KCNH8: variants seen among roughly 807,000 people sequenced by gnomAD.
KCNH8 encodes the protein potassium voltage-gated channel subfamily H member 8, also known as voltage-gated delayed rectifier potassium channel KCNH8.
A neutral mutation model predicts 103.6 loss-of-function variants in KCNH8; 70 were observed. That is an observed-to-expected ratio of 0.68 (90% confidence interval 0.56 to 0.82). The LOEUF (loss-of-function observed/expected upper bound fraction) is 0.82. KCNH8 is among the 40% of genes least tolerant of loss of function. The pLI is 0.00. For missense variants in KCNH8, 1,217 were observed against 1,329.9 expected (o/e 0.92, Z 1.32); for synonymous variants, 498 against 489.4 (o/e 1.02, Z -0.23).
At chr3:19,236,825 T>C (rs190101561) in intron 1 of KCNH8, among the ~76,000 whole-genome samples, 40 of 152,332 alleles carry the variant, frequency 2.6e-4, no homozygotes, top group Admixed American at 3.3e-4. Context: ...TCTGTAATAC[T>C]CTAGGTTTCA....
At chr3:19,363,346 G>A (rs9873680) in intron 5 of KCNH8, among the ~76,000 whole-genome samples, 17,942 of 152,106 alleles carry the variant, frequency 0.12, 1,103 homozygotes, top group Middle Eastern at 0.17. Context: ...GAAAAGAGCT[G>A]ATCAGCATTT....
chr3:19,167,965 A>G (rs1339760163), intron 1 of KCNH8, among the ~76,000 whole-genome samples: 2 of 150,222 alleles, frequency 1.3e-5, no homozygotes, highest in East Asian at 1.9e-4. Context: ...TTACAGAACA[A>G]TTTTATCACA....
chr3:19,232,731 A>G (rs971423771), intron 1 of KCNH8, among the ~76,000 whole-genome samples: 4 of 152,160 alleles, frequency 2.6e-5, no homozygotes, highest in Non-Finnish European at 5.9e-5. Context: ...GTGTATGAGA[A>G]TTGTATGAAG....
intron 15 of KCNH8, among the ~76,000 whole-genome samples, chr3:19,530,273 T>C (rs1461968630): frequency 6.6e-6 from 1 of 152,170 alleles, no homozygotes; most frequent in African/African-American, 2.4e-5. Context: ...AATCACTTAC[T>C]GTATCTTTCA....
chr3:19,491,027 G>T, intron 11 of KCNH8, among the ~76,000 whole-genome samples: 1 of 152,180 alleles, frequency 6.6e-6, no homozygotes, highest in East Asian at 1.9e-4. Context: ...GGATTGGTAT[G>T]AAGTGTTAAT....
chr3:19,211,264 T>G (rs1043879300), intron 1 of KCNH8, among the ~76,000 whole-genome samples: 1 of 152,162 alleles, frequency 6.6e-6, no homozygotes, highest in Non-Finnish European at 1.5e-5. Context: ...ACAGATGCCA[T>G]GTAGAAGTGC....
chr3:19,356,105 A>G lies in KCNH8; in HGVS notation c.811+8140A>G, dbSNP rs528837307. On this transcript the variant is annotated intron_variant, in intron 5 of 15. Coordinates refer to ENST00000328405, the MANE Select transcript of KCNH8 (RefSeq NM_144633.3). ...AAAAAATATTTTGGTATTCACGTAA[A>G]CTCCATACAAAAGTATAAGGCAATA... Among the ~76,000 whole-genome samples the G allele has an allele frequency of 2.6e-5, 4 of 151,966 alleles. No homozygotes were observed. The South Asian group carries it at 8.3e-4, about 31-fold the overall frequency.
intron 1 of KCNH8, among the ~76,000 whole-genome samples, chr3:19,219,998 C>T (rs1575445815): frequency 2.6e-5 from 4 of 152,338 alleles, no homozygotes; most frequent in South Asian, 2.1e-4. Flanking sequence ...ACAGACGTTA[C>T]ATCTACTTGC....
At chr3:19,189,789 A>T (rs1421990355) in intron 1 of KCNH8, among the ~76,000 whole-genome samples, 3 of 152,052 alleles carry the variant, frequency 2.0e-5, no homozygotes, top group Non-Finnish European at 4.4e-5. Context: ...AATAGTAAAG[A>T]ATGTGTGCAA....
At chr3:19,215,437 A>C (rs1427246705) in intron 1 of KCNH8, among the ~76,000 whole-genome samples, 1 of 152,208 alleles carries the variant, frequency 6.6e-6, no homozygotes, top group Non-Finnish European at 1.5e-5. Context: ...ATTGAAAGAT[A>C]ATTGGGCCAA....
intron 4 of KCNH8, among the ~76,000 whole-genome samples, chr3:19,345,409 ATTACC>A (rs2065716642): frequency 6.6e-6 from 1 of 152,110 alleles, no homozygotes; most frequent in Non-Finnish European, 1.5e-5. Flanking sequence ...TTAGGAAACA[ATTACC>A]TTAATTAGGC....
intron 3 of KCNH8, among the ~76,000 whole-genome samples, chr3:19,300,716 G>C (rs747249076): frequency 7.2e-5 from 11 of 151,972 alleles, no homozygotes; most frequent in Non-Finnish European, 1.2e-4. Flanking sequence ...ATTTAGGTCA[G>C]GATATGACTT....
chr3:19,499,167 A>G (rs969970904), intron 11 of KCNH8, among the ~76,000 whole-genome samples: 14 of 152,224 alleles, frequency 9.2e-5, no homozygotes, highest in African/African-American at 2.9e-4. Context: ...AGCCAATGCG[A>G]TCAACTGGAA....
intron 11 of KCNH8, among the ~76,000 whole-genome samples, chr3:19,465,887 A>T (rs1476989895): frequency 1.3e-5 from 2 of 152,132 alleles, no homozygotes; most frequent in Non-Finnish European, 2.9e-5. Context: ...AATTGCTGCA[A>T]TTTTATGATA....
At chr3:19,408,831 T>TA (rs1278513523) in intron 7 of KCNH8, among the ~76,000 whole-genome samples, 1 of 152,034 alleles carries the variant, frequency 6.6e-6, no homozygotes, top group Non-Finnish European at 1.5e-5. Context: ...AAAAGAATTT[T>TA]AAAAAATGAT....
chr3:19,200,900 T>A (rs1559419690), intron 1 of KCNH8, among the ~76,000 whole-genome samples: 1 of 151,680 alleles, frequency 6.6e-6, no homozygotes, highest in Non-Finnish European at 1.5e-5. Flanking sequence ...TTGAAGTATG[T>A]AAAAAAAATT....
At position 19,438,205 on chromosome 3, in the gene KCNH8, T is replaced by C. The variant is rs2067229071; in HGVS notation, c.1219T>C (p.Tyr407His). Reference sequence around the variant, plus strand: ...GGGAAAGAGACTGGAATCTCCATACTATGGCAACAATACCTTGGGGGGCCC... The same window carrying C: ...GGGAAAGAGACTGGAATCTCCATACCATGGCAACAATACCTTGGGGGGCCC... ...ELGKRLESPYYGNNTLGGPSI... is the reference protein window; with the variant it reads ...ELGKRLESPYHGNNTLGGPSI... The change falls in exon 8 of 16, where the codon TAT (tyrosine) becomes CAT (histidine). Residue 407 changes from tyrosine (Y) to histidine (H), a missense_variant. This residue lies in a region of KCNH8 where 415 missense variants were observed against 577.4 expected (regional missense o/e 0.72). Transcript: ENST00000328405. 6.2e-7 allele frequency: 1 copy of C among 1,614,120 alleles called. No individual in the cohort carries two copies. Among genetic ancestry groups the C allele is most frequent in the Non-Finnish European group, 8.5e-7 (1 of 1,180,000 alleles).
chr3:19,300,639 C>T (rs1012967442), intron 3 of KCNH8, among the ~76,000 whole-genome samples: 13 of 152,042 alleles, frequency 8.6e-5, no homozygotes, highest in African/African-American at 2.4e-4. Context: ...GATTACATAA[C>T]GGTTTACAGT....
chr3:19,339,036 T>C (rs897783746), intron 3 of KCNH8, among the ~76,000 whole-genome samples: 3 of 152,106 alleles, frequency 2.0e-5, no homozygotes, highest in African/African-American at 7.2e-5. Context: ...ATTAGAAATA[T>C]TGCTGTCAGG....
Sources: gnomAD v4.1 joint callset for allele counts (sites outside exome capture counted in the v4.1 genomes callset) on GRCh38, gnomAD v4.1.1 for gene constraint, gnomAD v4.1.1 regional missense constraint, MANE v1.5 for transcripts, NCBI Gene and HGNC (gene_info 2026-07-23, HGNC 2026-07-21) for gene names.